DCLRE1C: variants seen among roughly 807,000 people sequenced by gnomAD.
DCLRE1C encodes the protein protein artemis.
In DCLRE1C, 47 loss-of-function variants were observed where a neutral mutation model predicts 61.4. The observed-to-expected ratio is 0.77, with a 90% confidence interval of 0.61 to 0.98. DCLRE1C has a LOEUF of 0.98. Ranked by LOEUF, DCLRE1C falls within the 50% of genes least tolerant of loss-of-function variation. The probability of loss-of-function intolerance (pLI) is 0.00; values close to 1 mark genes in which losing one functional copy is unlikely to be tolerated. For missense variants in DCLRE1C, 858 were observed against 816.0 expected (o/e 1.05, Z -0.63); for synonymous variants, 337 against 287.6 (o/e 1.17, Z -1.74).
intron 12 of DCLRE1C, chr10:14,920,428 GA>G: frequency 3.0e-6 from 3 of 1,011,418 alleles, no homozygotes; most frequent in Non-Finnish European, 3.5e-6. Context: ...CAGATTCCGG[GA>G]AGCCTTTAGG....
chr10:14,952,066 T>C (rs1203123998), intron 1 of DCLRE1C, among the ~76,000 whole-genome samples: 1 of 152,168 alleles, frequency 6.6e-6, no homozygotes, highest in African/African-American at 2.4e-5. Context: ...TGTTCAACAG[T>C]AGGGAAGAGT....
At chr10:14,952,282 A>C (rs1842562856) in intron 1 of DCLRE1C, among the ~76,000 whole-genome samples, 1 of 152,186 alleles carries the variant, frequency 6.6e-6, no homozygotes, top group Admixed American at 6.5e-5. Context: ...GTGGATTCTC[A>C]ATGAAAAACA....
At chr10:14,950,357 CAAA>C (rs1196056427) in intron 1 of DCLRE1C, among the ~76,000 whole-genome samples, 3 of 71,270 alleles carry the variant, frequency 4.2e-5, no homozygotes, top group Admixed American at 1.5e-4. Flanking sequence ...AAATAATAAC[CAAA>C]AAAAAAAAAA....
intron 13 of DCLRE1C, among the ~76,000 whole-genome samples, chr10:14,910,670 C>G (rs1835105306): frequency 6.6e-6 from 1 of 152,124 alleles, no homozygotes; most frequent in African/African-American, 2.4e-5. Context: ...AGTGACTATG[C>G]CTGATCCCAA....
In DCLRE1C at chr10:14,908,963, A is replaced by C. The variant is rs751349938; in HGVS notation, c.1524T>G (p.Pro508=). The change falls in exon 14 of 14, where the codon CCT becomes CCG. Residue 508 remains proline (P), a synonymous_variant. Transcript: ENST00000378278. ...EITDESLENF[P]SSTVAGGSQS... Reference sequence around the variant, plus strand: ...GAGATCCCCCTGCCACTGTGGAGGAAGGGAAGTTTTCCAAACTCTCATCTG... The same window carrying C: ...GAGATCCCCCTGCCACTGTGGAGGACGGGAAGTTTTCCAAACTCTCATCTG... 48 of 1,614,046 alleles carry C rather than the reference A, an allele frequency of 3.0e-5. No homozygotes were observed. In the East Asian group the frequency reaches 1.0e-3, roughly 34 times the overall value.
At chr10:14,911,535 G>A (rs868707916) in intron 13 of DCLRE1C, among the ~76,000 whole-genome samples, 1 of 152,166 alleles carries the variant, frequency 6.6e-6, no homozygotes, top group African/African-American at 2.4e-5. Context: ...GTAAAATTAT[G>A]TAACATGGGA....
In DCLRE1C at chr10:14,905,948, T is replaced by C. The variant is rs7903879; in HGVS notation, c.*2460A>G. Among the ~76,000 whole-genome samples the C allele has an allele frequency of 0.037, 5,673 of 152,250 alleles. 380 individuals carry two copies. The highest frequency in any genetic ancestry group is 0.13 in the African/African-American group (5,307 of 41,530). On this transcript the variant is annotated 3_prime_UTR_variant, in exon 14 of 14. Transcript: ENST00000378278. ...AGTGAGCTGAGATAGGGCCACTGCA[T>C]TCCAGCCTGAGTGACAGAGCGAGAC...
At chr10:14,952,333 T>G (rs1383876859) in intron 1 of DCLRE1C, among the ~76,000 whole-genome samples, 1 of 152,110 alleles carries the variant, frequency 6.6e-6, no homozygotes, top group Non-Finnish European at 1.5e-5. Flanking sequence ...ACACCTGTAA[T>G]CCTAACACTT....
chr10:14,922,937 G>T (rs1230542827), intron 12 of DCLRE1C, 44 bp downstream of exon 12: 2 of 1,386,970 alleles, frequency 1.4e-6, no homozygotes, highest in Admixed American at 1.7e-5. Context: ...CTAGCCAAGA[G>T]CCACCAAGGG....
intron 3 of DCLRE1C, among the ~76,000 whole-genome samples, chr10:14,941,092 G>A (rs1197036455): frequency 7.9e-5 from 12 of 152,118 alleles, no homozygotes; most frequent in African/African-American, 2.9e-4. Context: ...TGGCCAGACT[G>A]GTCTCGAACT....
chr10:14,916,731 CAT>C (rs1836263520), intron 13 of DCLRE1C, among the ~76,000 whole-genome samples: 1 of 152,114 alleles, frequency 6.6e-6, no homozygotes. Flanking sequence ...CGCTGGAAAT[CAT>C]AAAACACTGC....
At chr10:14,935,336 C>T (rs374119192) in intron 6 of DCLRE1C, 127 bp downstream of exon 6, 22 of 1,024,710 alleles carry the variant, frequency 2.1e-5, no homozygotes, top group African/African-American at 8.2e-5. Context: ...CGTGGTGGCA[C>T]GTACCTGTTA....
rs755792300 is a variant in DCLRE1C at position 14,945,189 on chromosome 10, G to T, written c.162C>A (p.Ser54Arg). 6.2e-7 allele frequency: 1 copy of T among 1,611,346 alleles called. No homozygotes were observed. The highest frequency in any genetic ancestry group is 8.5e-7 in the Non-Finnish European group (1 of 1,178,834). ...GTGAACAGTATAGATAAACCTTCAA[G>T]CTGAAAGGAAAAAAGAAAAAAACTT... ...APTLKRRLEC[S>R]LKVYLYCSPV... The change falls in exon 3 of 14, where the codon AGC becomes AGA. Residue 54 changes from serine (S) to arginine (R), a missense_variant and splice_region_variant. By Grantham distance (110) the Ser-to-Arg change is moderately radical. Coordinates refer to ENST00000378278, the MANE Select transcript of DCLRE1C (RefSeq NM_001033855.3).
At chr10:14,903,497 G>A (rs1834157273), downstream of DCLRE1C, 1 of 152,100 alleles carries the variant, frequency 6.6e-6, no homozygotes, top group Admixed American at 6.5e-5. Context: ...TATACTTCCT[G>A]CAGGTTCTTC....
chr10:14,930,398 G>C (rs1838786663), intron 9 of DCLRE1C, among the ~76,000 whole-genome samples: 1 of 148,128 alleles, frequency 6.8e-6, no homozygotes, highest in Admixed American at 6.9e-5. Flanking sequence ...CTCCCAAAGT[G>C]CTGGGATTAC....
At chr10:14,936,726 T>G in intron 4 of DCLRE1C, 133 bp from the exon 5 acceptor site, 5 of 668,172 alleles carry the variant, frequency 7.5e-6, no homozygotes, top group Non-Finnish European at 1.1e-5. Context: ...TTCCTCACAC[T>G]CCAAATCCTA....
At chr10:14,947,083 G>A (rs529011466) in intron 2 of DCLRE1C, among the ~76,000 whole-genome samples, 6 of 152,194 alleles carry the variant, frequency 3.9e-5, no homozygotes, top group African/African-American at 1.4e-4. Flanking sequence ...TTAGAGGCAC[G>A]TGCCTGTAGT....
At chr10:14,926,692 A>G in intron 11 of DCLRE1C, 151 bp downstream of exon 11, 1 of 575,626 alleles carries the variant, frequency 1.7e-6, no homozygotes. Context: ...ATGAATAATG[A>G]GGATGAACTG....
In DCLRE1C at chr10:14,905,317, C is replaced by T. The variant is rs1290438999; in HGVS notation, c.*3091G>A. Among the ~76,000 whole-genome samples the T allele has an allele frequency of 2.6e-5, 4 of 152,214 alleles. No homozygotes were observed. The highest frequency in any genetic ancestry group is 4.4e-5 in the Non-Finnish European group (3 of 68,040). On this transcript the variant is annotated 3_prime_UTR_variant, in exon 14 of 14. Transcript: ENST00000378278. ...TTCGCTAGCATAATGTGGATGAATA[C>T]TTCAGAAATTTTTGAGCATTGTCAC...
Sources: allele counts gnomAD v4.1 joint callset (sites outside exome capture counted in the v4.1 genomes callset), GRCh38; gene constraint gnomAD v4.1.1; transcripts MANE v1.5; gene names NCBI Gene and HGNC (gene_info 2026-07-23, HGNC 2026-07-21).